Variants in TRIM14 observed in about 807,000 individuals in gnomAD.
TRIM14 encodes tripartite motif containing 14.
In TRIM14, 28 loss-of-function variants were observed where a neutral mutation model predicts 44.5. The ratio of observed to expected loss-of-function variants is 0.63; its 90% CI spans 0.47 to 0.86. The LOEUF (loss-of-function observed/expected upper bound fraction) is 0.86, where lower values mean the gene tolerates loss of function less well. Among genes scored for constraint, TRIM14 ranks in the 40% least tolerant of loss-of-function variants. The pLI is 0.00. For missense variants in TRIM14, 607 were observed against 611.1 expected (o/e 0.99, Z 0.07); for synonymous variants, 299 against 269.2 (o/e 1.11, Z -1.08).
At chr9:98,049,162 AGAAACT>A in the TRIM14 span, among the ~76,000 whole-genome samples, 1 of 148,888 alleles carries the variant, frequency 6.7e-6, no homozygotes, top group African/African-American at 2.5e-5. Flanking sequence ...ACCAACATGG[AGAAACT>A]CCATCTCTAA....
chr9:98,084,674 T>C lies in TRIM14; in HGVS notation c.*2796A>G, dbSNP rs1159454583. 6.6e-6 allele frequency: 1 copy of C among 152,100 alleles called. No homozygotes were observed. Among genetic ancestry groups the C allele is most frequent in the East Asian group, 1.9e-4 (1 of 5,184 alleles). 9.4% of individuals were successfully genotyped at this position (152,100 alleles called of 1,614,324 possible). On this transcript the variant is annotated 3_prime_UTR_variant, in exon 6 of 6. Transcript: ENST00000341469. ...GCATGATACAGCAGTATATATGTTT[T>C]TTTTGTTTTTTTTGAGACAAGAGTC... is the stretch of plus-strand genomic sequence containing the variant.
At chr9:98,096,725 C>T (rs1826199564) in intron 3 of TRIM14, among the ~76,000 whole-genome samples, 1 of 152,120 alleles carries the variant, frequency 6.6e-6, no homozygotes, top group Non-Finnish European at 1.5e-5. Flanking sequence ...TCTCCCCATC[C>T]CCACTGCCCC....
the TRIM14 span, among the ~76,000 whole-genome samples, chr9:98,045,378 T>C: frequency 6.6e-6 from 1 of 152,220 alleles, no homozygotes; most frequent in Non-Finnish European, 1.5e-5. Context: ...AAGGTTTCTC[T>C]GTACATCGTG....
At chr9:98,049,451 G>A in the TRIM14 span, among the ~76,000 whole-genome samples, 1 of 151,702 alleles carries the variant, frequency 6.6e-6, no homozygotes, top group Non-Finnish European at 1.5e-5. Flanking sequence ...TGCTAAAGAA[G>A]GGGTGGGTTA....
chr9:98,102,836 T>C (rs1017240234), intron 2 of TRIM14, among the ~76,000 whole-genome samples: 2 of 152,172 alleles, frequency 1.3e-5, no homozygotes, highest in African/African-American at 4.8e-5. Context: ...TGGCAAATTT[T>C]ATGTTATGTA....
At chr9:98,092,147 CAGGAA>C (rs1281908093) in intron 4 of TRIM14, 146 bp from the exon 5 acceptor site, 1 of 559,648 alleles carries the variant, frequency 1.8e-6, no homozygotes, top group Non-Finnish European at 3.0e-6. Flanking sequence ...TTCACAGGGA[CAGGAA>C]AACCCCAGGA....
chr9:98,042,346 G>A, the TRIM14 span, among the ~76,000 whole-genome samples: 15 of 150,340 alleles, frequency 1.0e-4, no homozygotes, highest in African/African-American at 3.4e-4. Flanking sequence ...AAAATTGCCT[G>A]GACACTTAGT....
chr9:98,112,190 T>C (rs1196044214), intron 1 of TRIM14, among the ~76,000 whole-genome samples: 1 of 152,184 alleles, frequency 6.6e-6, no homozygotes, highest in East Asian at 1.9e-4. Flanking sequence ...TTTGGGTTAC[T>C]AAGAGTGAAA....
chr9:98,077,019 T>A, intron 6 of TRIM14: 1 of 1,600,208 alleles, frequency 6.2e-7, no homozygotes. Flanking sequence ...CCAAAAAAGG[T>A]AAGTGTCTAA....
intron 5 of TRIM14, among the ~76,000 whole-genome samples, chr9:98,090,853 C>A (rs1479606429): frequency 6.6e-6 from 1 of 152,146 alleles, no homozygotes; most frequent in African/African-American, 2.4e-5. Flanking sequence ...TGTGAGCCAC[C>A]GTGCTCGGCC....
chr9:98,057,321 C>G, the TRIM14 span, among the ~76,000 whole-genome samples: 1 of 152,170 alleles, frequency 6.6e-6, no homozygotes, highest in Non-Finnish European at 1.5e-5. Flanking sequence ...CCCCTTCCAG[C>G]CCGTCATAAT....
intron 2 of TRIM14, among the ~76,000 whole-genome samples, chr9:98,101,750 G>T (rs888503675): frequency 6.6e-6 from 1 of 152,106 alleles, no homozygotes; most frequent in African/African-American, 2.4e-5. Context: ...ATTCTTTCAT[G>T]CAGCAATTCC....
chr9:98,045,635 G>C, the TRIM14 span, among the ~76,000 whole-genome samples: 1 of 152,144 alleles, frequency 6.6e-6, no homozygotes, highest in Non-Finnish European at 1.5e-5. Context: ...GGCTCAAAAG[G>C]CTCCCCAGTT....
At chr9:98,110,209 C>T (rs371716212) in intron 1 of TRIM14, 9 of 533,746 alleles carry the variant, frequency 1.7e-5, no homozygotes, top group Non-Finnish European at 3.0e-5. Context: ...TCTTGATTTG[C>T]ACCCCTTCCT....
chr9:98,084,531 C>T lies in TRIM14; in HGVS notation c.*2939G>A, dbSNP rs1825695980. On this transcript the variant is annotated 3_prime_UTR_variant, in exon 6 of 6. Transcript: ENST00000341469. The stretch of plus-strand genomic sequence containing the variant: ...ACATGGAAACCAAGGAAGCCTCATT[C>T]CTGTGCTGAGAATATTCTAGTAGCT... 1 of 152,228 alleles carries T rather than the reference C, an allele frequency of 6.6e-6. No individual in the cohort carries two copies. Among genetic ancestry groups the T allele is most frequent in the Non-Finnish European group, 1.5e-5 (1 of 68,048 alleles). The allele number at this position is 152,228 out of a possible 1,614,324, so 9.4% of individuals were successfully genotyped here. A position where few individuals can be genotyped will look rare whatever the true frequency, so the allele number is the denominator to read the frequency against.
intron 6 of TRIM14, chr9:98,077,073 A>G (rs539364125): frequency 1.5e-6 from 2 of 1,335,764 alleles, no homozygotes; most frequent in East Asian, 4.7e-5. Flanking sequence ...TCATATTTTT[A>G]CTCCCCTCAT....
the TRIM14 span, among the ~76,000 whole-genome samples, chr9:98,044,431 T>C: frequency 1.0e-4 from 15 of 146,534 alleles, no homozygotes; most frequent in Non-Finnish European, 1.9e-4. Flanking sequence ...TGGAGTGCAG[T>C]GGCACCATCT....
intron 2 of TRIM14, among the ~76,000 whole-genome samples, chr9:98,108,072 C>T (rs568916860): frequency 6.7e-6 from 1 of 149,442 alleles, no homozygotes; most frequent in Admixed American, 6.7e-5. Flanking sequence ...ACTATACACA[C>T]ATACCATCCT....
intron 6 of TRIM14, chr9:98,078,459 C>G (rs1829693573): frequency 7.6e-7 from 1 of 1,315,628 alleles, no homozygotes; most frequent in South Asian, 1.4e-5. Flanking sequence ...TTTGAACATC[C>G]TTTGACAGTC....
Sources: gnomAD v4.1 joint callset for allele counts (sites outside exome capture counted in the v4.1 genomes callset) on GRCh38, gnomAD v4.1.1 for gene constraint, MANE v1.5 for transcripts, NCBI Gene and HGNC (gene_info 2026-07-23, HGNC 2026-07-21) for gene names.